USP35: variants seen among roughly 807,000 people sequenced by gnomAD.
USP35 encodes the protein ubiquitin specific peptidase 35, also known as ubiquitin carboxyl-terminal hydrolase 35.
In USP35, 69 loss-of-function variants were observed where a neutral mutation model predicts 83.8. That is an observed-to-expected ratio of 0.82 (90% confidence interval 0.68 to 1.01). The LOEUF is 1.01. Ranked by LOEUF, USP35 falls within the 50% of genes least tolerant of loss-of-function variation. The probability of loss-of-function intolerance (pLI) is 0.00; values close to 1 mark genes in which losing one functional copy is unlikely to be tolerated. For missense variants in USP35, 1,503 were observed against 1,362.5 expected (o/e 1.10, Z -1.62); for synonymous variants, 714 against 589.5 (o/e 1.21, Z -3.06).
the USP35 span, among the ~76,000 whole-genome samples, chr11:78,232,277 C>T: frequency 1.3e-5 from 2 of 152,148 alleles, no homozygotes; most frequent in African/African-American, 4.8e-5. Flanking sequence ...TCTGGAATCT[C>T]ACCAATGAAA....
At chr11:78,213,027 G>A (rs1037995759) in intron 10 of USP35, among the ~76,000 whole-genome samples, 1 of 152,200 alleles carries the variant, frequency 6.6e-6, no homozygotes. Context: ...CAGTGGGATG[G>A]GTGCCAGTGC....
chr11:78,219,299 T>C (rs2450122), downstream of USP35: 296,675 of 1,613,214 alleles, frequency 0.18, 30,683 homozygotes, highest in East Asian at 0.41. Context: ...TGGAAGGCTC[T>C]GAGGACTGCC....
At chr11:78,226,645 T>G in the USP35 span, 47 of 1,613,302 alleles carry the variant, frequency 2.9e-5, no homozygotes, top group Non-Finnish European at 3.7e-5. Flanking sequence ...TCCCCAGGAG[T>G]GGCCACTGTC....
chr11:78,207,183 G>A (rs1278613906), intron 7 of USP35: 3 of 189,876 alleles, frequency 1.6e-5, no homozygotes, highest in Non-Finnish European at 3.3e-5. Flanking sequence ...TATTGGCATG[G>A]ATCCTGTGGC....
chr11:78,228,023 C>G, the USP35 span, among the ~76,000 whole-genome samples: 1 of 152,084 alleles, frequency 6.6e-6, no homozygotes, highest in Non-Finnish European at 1.5e-5. Context: ...GGCAATAAGG[C>G]AAGCAGTAAA....
At chr11:78,207,895 C>G (rs900349112) in intron 8 of USP35, among the ~76,000 whole-genome samples, 1 of 152,224 alleles carries the variant, frequency 6.6e-6, no homozygotes. Context: ...TTGCCATAGT[C>G]CATTTTATGC....
chr11:78,224,183 A>G, the USP35 span, among the ~76,000 whole-genome samples: 3 of 152,154 alleles, frequency 2.0e-5, no homozygotes, highest in Admixed American at 1.3e-4. Flanking sequence ...TCCACTAATA[A>G]TTTTTGATAA....
At chr11:78,231,336 G>GTGGT in the USP35 span, among the ~76,000 whole-genome samples, 1,973 of 145,882 alleles carry the variant, frequency 0.014, 44 homozygotes, top group African/African-American at 0.049. Flanking sequence ...GCGCGTGTGT[G>GTGGT]GTGTGTGTGT....
intron 1 of USP35, among the ~76,000 whole-genome samples, chr11:78,195,341 C>T (rs577776187): frequency 3.3e-5 from 5 of 151,994 alleles, no homozygotes; most frequent in African/African-American, 4.8e-5. Flanking sequence ...GCATGGTGGT[C>T]GTGGGGGCCT....
chr11:78,236,565 A>G, the USP35 span, among the ~76,000 whole-genome samples: 1 of 152,326 alleles, frequency 6.6e-6, no homozygotes. Flanking sequence ...CATTATGTTC[A>G]ATATTTCTCC....
At chr11:78,222,541 A>G in the USP35 span, among the ~76,000 whole-genome samples, 1 of 148,232 alleles carries the variant, frequency 6.7e-6, no homozygotes, top group Non-Finnish European at 1.5e-5. Context: ...ATATATTAAT[A>G]TATTAATATT....
intron 1 of USP35, among the ~76,000 whole-genome samples, chr11:78,191,861 T>TTTTTA (rs1863014712): frequency 6.7e-6 from 1 of 149,044 alleles, no homozygotes; most frequent in African/African-American, 2.5e-5. Context: ...TTTTTTTTTT[T>TTTTTA]GAGACGGAGT....
chr11:78,215,458 A>AAGAATACAAC (rs1864074332), downstream of USP35: 1 of 151,562 alleles, frequency 6.6e-6, no homozygotes, highest in African/African-American at 2.5e-5. Context: ...ATTTAAAAAA[A>AAGAATACAAC]AGAATACAAC....
In USP35 at chr11:78,209,524, G is replaced by A. The variant is rs766934346; in HGVS notation, c.1669G>A (p.Glu557Lys). ...GTCCAGCTCGCCCTCTCCGCCCGAG[G>A]AGCCCCCGGCCCCAAGTTCAACCTC... ...KQSSSPSPPE[E>K]PPAPSSTSVE... is the part of the protein sequence containing the mutation. Residue 557 changes from glutamate (E) to lysine (K), a missense_variant, in exon 10 of 11, where the codon GAG becomes AAG. Glu to Lys is a moderately conservative substitution (Grantham distance 56, BLOSUM62 1). Transcript: ENST00000529308. 41 of 1,614,124 alleles carry A rather than the reference G, an allele frequency of 2.5e-5. No individual in the cohort carries two copies. In the South Asian group the frequency reaches 4.0e-4, roughly 16 times the overall value.
chr11:78,189,637 G>C (rs1809531), intron 1 of USP35, among the ~76,000 whole-genome samples: 59,997 of 151,958 alleles, frequency 0.39, 12,658 homozygotes, highest in East Asian at 0.62. Context: ...GTGTCAGCTT[G>C]GTGCCCTTCC....
At chr11:78,234,488 A>G in the USP35 span, among the ~76,000 whole-genome samples, 1 of 151,588 alleles carries the variant, frequency 6.6e-6, no homozygotes, top group African/African-American at 2.4e-5. Context: ...TATTATTCCT[A>G]TATGAATGTC....
the USP35 span, among the ~76,000 whole-genome samples, chr11:78,236,190 C>T: frequency 2.6e-5 from 4 of 152,168 alleles, no homozygotes; most frequent in South Asian, 2.1e-4. Context: ...AAGTATTCCA[C>T]GTTTTCTGGT....
the USP35 span, among the ~76,000 whole-genome samples, chr11:78,224,597 A>G: frequency 2.6e-5 from 4 of 152,016 alleles, no homozygotes; most frequent in Admixed American, 2.6e-4. Context: ...ACCTGATTTC[A>G]CTGTCTTTTC....
In USP35 at chr11:78,208,838, T is replaced by C; in HGVS notation, c.1486-19T>C. The stretch of plus-strand genomic sequence containing the variant: ...TGGCCTCCTGCTCCTGACCATGCCT[T>C]TCGCCTGCCTTGTCCTAGCGGCCTG... On this transcript the variant is annotated intron_variant, in intron 8 of 10. Transcript: ENST00000529308. 1 of 1,614,012 alleles carries C rather than the reference T, an allele frequency of 6.2e-7. No homozygotes were observed. The highest frequency in any genetic ancestry group is 8.5e-7 in the Non-Finnish European group (1 of 1,179,886).
Sources: allele counts gnomAD v4.1 joint callset (sites outside exome capture counted in the v4.1 genomes callset), GRCh38; gene constraint gnomAD v4.1.1; transcripts MANE v1.5; gene names NCBI Gene and HGNC (gene_info 2026-07-23, HGNC 2026-07-21).